Variants in PACS1 observed in about 807,000 individuals in gnomAD.
The protein encoded by PACS1 is phosphofurin acidic cluster sorting protein 1.
In PACS1, 24 loss-of-function variants were observed where a neutral mutation model predicts 115.0. That is an observed-to-expected ratio of 0.21 (90% CI 0.15 to 0.29). The LOEUF (loss-of-function observed/expected upper bound fraction) is 0.29. Ranked by LOEUF, PACS1 falls within the 10% of genes least tolerant of loss-of-function variation. The pLI is 1.00. For synonymous variants in PACS1, 453 were observed against 504.5 expected (o/e 0.90, Z 1.37); for missense variants, 838 against 1,251.2 (o/e 0.67, Z 4.98).
chr11:66,208,967 AT>A (rs202172573), intron 2 of PACS1, among the ~76,000 whole-genome samples: 32 of 151,456 alleles, frequency 2.1e-4, no homozygotes, highest in East Asian at 1.9e-3. Context: ...TTTAAAACTG[AT>A]TTTTTTTTAG....
chr11:66,131,608 T>C (rs556888249), intron 1 of PACS1, among the ~76,000 whole-genome samples: 1 of 152,300 alleles, frequency 6.6e-6, no homozygotes, highest in South Asian at 2.1e-4. Context: ...TTATAAAGAT[T>C]TGTGCTTTTT....
intron 1 of PACS1, among the ~76,000 whole-genome samples, chr11:66,086,814 A>C (rs1857578238): frequency 6.6e-6 from 1 of 151,780 alleles, no homozygotes; most frequent in African/African-American, 2.4e-5. Context: ...ATGGGGTTTC[A>C]CCAAGTTGGT....
intron 2 of PACS1, among the ~76,000 whole-genome samples, chr11:66,196,495 C>A (rs991128735): frequency 2.0e-5 from 3 of 152,168 alleles, no homozygotes; most frequent in Non-Finnish European, 4.4e-5. Context: ...GACTTCCAGA[C>A]AAACAGGTTA....
chr11:66,099,217 T>C (rs1220574557), intron 1 of PACS1, among the ~76,000 whole-genome samples: 1 of 151,846 alleles, frequency 6.6e-6, no homozygotes, highest in Non-Finnish European at 1.5e-5. Context: ...CTAATAGTTA[T>C]TGATTTATTT....
At chr11:66,079,149 C>T (rs889402343) in intron 1 of PACS1, among the ~76,000 whole-genome samples, 3 of 152,158 alleles carry the variant, frequency 2.0e-5, no homozygotes, top group South Asian at 4.1e-4. Context: ...CTCAAGCCCG[C>T]GTCAGCAGAT....
At chr11:66,202,726 G>GGGGAAAA (rs1554988658) in intron 2 of PACS1, among the ~76,000 whole-genome samples, 1 of 10,954 alleles carries the variant, frequency 9.1e-5, no homozygotes, top group African/African-American at 2.4e-4. Context: ...TCATCTCTAG[G>GGGGAAAA]AAAAAAAAAA....
chr11:66,118,344 G>GCT (rs1858354725), intron 1 of PACS1, among the ~76,000 whole-genome samples: 1 of 152,220 alleles, frequency 6.6e-6, no homozygotes, highest in Non-Finnish European at 1.5e-5. Flanking sequence ...GGGCGCTGTG[G>GCT]CTCATGCCTA....
chr11:66,192,541 A>G (rs905587460), intron 1 of PACS1, among the ~76,000 whole-genome samples: 1 of 152,212 alleles, frequency 6.6e-6, no homozygotes, highest in African/African-American at 2.4e-5. Flanking sequence ...GATGCAAGAC[A>G]GGGGCCTGAG....
At chr11:66,143,026 A>G (rs1231379744) in intron 1 of PACS1, among the ~76,000 whole-genome samples, 2 of 152,146 alleles carry the variant, frequency 1.3e-5, no homozygotes, top group East Asian at 3.9e-4. Context: ...TAATCTATCT[A>G]GGAGGGACAG....
intron 1 of PACS1, among the ~76,000 whole-genome samples, chr11:66,106,143 G>A (rs2134537534): frequency 6.6e-6 from 1 of 152,224 alleles, no homozygotes; most frequent in African/African-American, 2.4e-5. Context: ...TAAAAATGTA[G>A]CTGAGGCCCA....
rs1427310507 is a variant in PACS1, at chr11:66,233,067, G to A, written c.1838+1G>A. 6.2e-7 allele frequency: 1 copy of A among 1,602,422 alleles called. No individual in the cohort carries two copies. The highest frequency in any genetic ancestry group is 8.5e-7 in the Non-Finnish European group (1 of 1,174,766). ...CCCTGCTCACCCGGATCCAGCGCTA[G>A]TAAGGGCTCTGGCCTCCCTTCTCCT... On this transcript the variant is annotated splice_donor_variant, in intron 15 of 23. Transcript: ENST00000320580. LOFTEE classifies it high-confidence loss of function. This position sits in a 1 kb window ranked among gnomAD's most constrained non-coding sequence, Gnocchi z 4.5.
intron 1 of PACS1, among the ~76,000 whole-genome samples, chr11:66,134,752 C>T (rs1427464967): frequency 2.0e-5 from 3 of 152,002 alleles, no homozygotes; most frequent in African/African-American, 4.8e-5. Flanking sequence ...AACTTGGTCA[C>T]GGTGTCATCT....
At chr11:66,195,022 G>A (rs1406598480) in intron 2 of PACS1, among the ~76,000 whole-genome samples, 1 of 152,284 alleles carries the variant, frequency 6.6e-6, no homozygotes, top group East Asian at 1.9e-4. Context: ...TCAGGAGTTC[G>A]AGACCAGCCT....
intron 1 of PACS1, among the ~76,000 whole-genome samples, chr11:66,075,213 G>C (rs1857375253): frequency 6.6e-6 from 1 of 152,072 alleles, no homozygotes; most frequent in Non-Finnish European, 1.5e-5. Flanking sequence ...AAAGTGCTGG[G>C]ATTACAGGCG....
chr11:66,224,813 G>C (rs1855439253), intron 10 of PACS1, among the ~76,000 whole-genome samples: 1 of 152,236 alleles, frequency 6.6e-6, no homozygotes, highest in Non-Finnish European at 1.5e-5. Flanking sequence ...TTGTGCACCT[G>C]TAGGCAGGTG....
chr11:66,220,306 G>A, intron 8 of PACS1: 2 of 341,114 alleles, frequency 5.9e-6, no homozygotes, highest in Non-Finnish European at 1.1e-5. Flanking sequence ...AAATTGTTGA[G>A]AGCGATTGCT....
In PACS1 at chr11:66,137,920, C is replaced by T. The variant is rs189681939; in HGVS notation, c.357-55566C>T. On this transcript the variant is annotated intron_variant, in intron 1 of 23. Coordinates refer to ENST00000320580, the MANE Select transcript of PACS1 (RefSeq NM_018026.4). ...ATTCTTTTTTTATTTTTAGTAGAGA[C>T]GGGGTTTCACCATGTTGGCCAGGCT... Among the ~76,000 whole-genome samples the T allele has an allele frequency of 4.7e-3, 718 of 152,106 alleles. 5 individuals carry two copies. Among genetic ancestry groups the T allele is most frequent in the African/African-American group, 0.015 (626 of 41,482 alleles).
At chr11:66,097,276 C>T (rs1857807071) in intron 1 of PACS1, among the ~76,000 whole-genome samples, 1 of 152,130 alleles carries the variant, frequency 6.6e-6, no homozygotes, top group Non-Finnish European at 1.5e-5. Flanking sequence ...TGTGTATGGT[C>T]ATGCATACCT....
At chr11:66,183,697 T>C (rs1860054809) in intron 1 of PACS1, among the ~76,000 whole-genome samples, 1 of 152,188 alleles carries the variant, frequency 6.6e-6, no homozygotes, top group Admixed American at 6.5e-5. Context: ...ACCAGCTTTA[T>C]TGAGGTGGCA....
Sources: allele counts gnomAD v4.1 joint callset (sites outside exome capture counted in the v4.1 genomes callset), GRCh38; gene constraint gnomAD v4.1.1; non-coding constraint Gnocchi (gnomAD v3.1); transcripts MANE v1.5; gene names NCBI Gene and HGNC (gene_info 2026-07-23, HGNC 2026-07-21).